The following MED13L variants were observed in gnomAD, a reference collection of about 807,000 sequenced individuals.
MED13L encodes mediator of RNA polymerase II transcription subunit 13-like.
In MED13L, 7 loss-of-function variants were observed where a neutral mutation model predicts 220.9. The ratio of observed to expected loss-of-function variants is 0.03; its 90% CI spans 0.02 to 0.06. MED13L has a LOEUF of 0.06. Ranked by LOEUF, MED13L falls within the 10% of genes least tolerant of loss-of-function variation. The probability of loss-of-function intolerance (pLI) is 1.00; values close to 1 mark genes in which losing one functional copy is unlikely to be tolerated. For synonymous variants in MED13L, 1,011 were observed against 1,015.2 expected, an observed-to-expected ratio of 1.00 and a Z score of 0.08; for missense variants, 1,965 against 2,760.5, an observed-to-expected ratio of 0.71 and a Z score of 6.46.
chr12:116,162,319 C>T (rs1878945905), intron 2 of MED13L, among the ~76,000 whole-genome samples: 2 of 152,186 alleles, frequency 1.3e-5, no homozygotes, highest in South Asian at 4.1e-4. Flanking sequence ...CCAGTAGAAG[C>T]TGTGATTCTA....
chr12:116,241,178 A>G (rs1870604304), intron 1 of MED13L, among the ~76,000 whole-genome samples: 1 of 151,618 alleles, frequency 6.6e-6, no homozygotes, highest in South Asian at 2.1e-4. Context: ...GTGGTGGTGC[A>G]CCTGTAATCC....
intron 1 of MED13L, among the ~76,000 whole-genome samples, chr12:116,240,818 C>T (rs1255394526): frequency 3.1e-4 from 47 of 151,492 alleles, no homozygotes; most frequent in Admixed American, 3.1e-3. Context: ...CGAGCCACCA[C>T]GCCCGGACAT....
intron 23 of MED13L, among the ~76,000 whole-genome samples, chr12:115,976,622 C>T (rs551550687): frequency 6.6e-5 from 10 of 152,156 alleles, no homozygotes; most frequent in Non-Finnish European, 1.2e-4. Context: ...CTTTTGAGTA[C>T]ATATATAGTT....
intron 4 of MED13L, among the ~76,000 whole-genome samples, chr12:116,061,436 A>G (rs1476448643): frequency 6.6e-6 from 1 of 152,212 alleles, no homozygotes; most frequent in African/African-American, 2.4e-5. Flanking sequence ...CTTACCTATT[A>G]TAAGCTGCCT....
chr12:116,089,202 C>A (rs577023899), intron 4 of MED13L, among the ~76,000 whole-genome samples: 1 of 152,274 alleles, frequency 6.6e-6, no homozygotes, highest in East Asian at 1.9e-4. Context: ...TATGTCCACA[C>A]CATAGTAGTG....
intron 2 of MED13L, among the ~76,000 whole-genome samples, chr12:116,121,691 T>C (rs1001801618): frequency 1.3e-5 from 2 of 152,322 alleles, no homozygotes; most frequent in South Asian, 2.1e-4. Context: ...ATATTTCCTT[T>C]TAATGTATCA....
chr12:116,096,899 C>T (rs1007292453), intron 3 of MED13L, 147 bp from the exon 4 acceptor site: 24 of 665,076 alleles, frequency 3.6e-5, no homozygotes, highest in East Asian at 5.6e-5. Flanking sequence ...AAAATTTTTA[C>T]GTTATACTTT....
At chr12:116,204,876 A>C (rs1358432156) in intron 2 of MED13L, among the ~76,000 whole-genome samples, 3 of 152,230 alleles carry the variant, frequency 2.0e-5, no homozygotes, top group South Asian at 4.1e-4. Flanking sequence ...GTTCCCTTTC[A>C]GAATTTATAA....
At chr12:116,134,444 T>G (rs1876347433) in intron 2 of MED13L, among the ~76,000 whole-genome samples, 1 of 152,212 alleles carries the variant, frequency 6.6e-6, no homozygotes, top group Admixed American at 6.5e-5. Flanking sequence ...AACAGGGTAC[T>G]AGGACGGTCT....
intron 2 of MED13L, among the ~76,000 whole-genome samples, chr12:116,226,587 G>A (rs536619734): frequency 3.9e-5 from 6 of 152,210 alleles, no homozygotes; most frequent in East Asian, 1.9e-4. Flanking sequence ...AACAGATTTC[G>A]GCCAGGAGTG....
rs774299382 is a variant in MED13L at position 116,003,114 on chromosome 12, C to T, written c.2470-12G>A. 83 of 1,609,794 alleles carry T rather than the reference C, an allele frequency of 5.2e-5. No individual in the cohort carries two copies. The highest frequency in any genetic ancestry group is 1.6e-4 in the Middle Eastern group (1 of 6,080). On this transcript the variant is annotated splice_polypyrimidine_tract_variant and intron_variant, in intron 13 of 30. Transcript: ENST00000281928. ...GCAGGTGATACAGCCTAAGAACAGA[C>T]GGTGTTATTAAAACAGAGTGACGTG...
chr12:115,988,376 C>T (rs919899633), intron 17 of MED13L, among the ~76,000 whole-genome samples: 1 of 152,180 alleles, frequency 6.6e-6, no homozygotes, highest in Non-Finnish European at 1.5e-5. Flanking sequence ...TCCTGCATAA[C>T]CACCACTTGC....
At chr12:116,204,360 T>A (rs1472145541) in intron 2 of MED13L, among the ~76,000 whole-genome samples, 1 of 152,220 alleles carries the variant, frequency 6.6e-6, no homozygotes, top group African/African-American at 2.4e-5. Context: ...ATTCCATGAC[T>A]GCTATCAGCT....
intron 1 of MED13L, among the ~76,000 whole-genome samples, chr12:116,262,272 A>G (rs1165698360): frequency 2.0e-5 from 3 of 152,356 alleles, no homozygotes; most frequent in African/African-American, 7.2e-5. Context: ...TCAAACTTTT[A>G]CAAATGGCTA....
intron 2 of MED13L, among the ~76,000 whole-genome samples, chr12:116,141,610 C>T (rs1877083169): frequency 6.6e-6 from 1 of 152,132 alleles, no homozygotes; most frequent in Admixed American, 6.6e-5. Context: ...GCTCTACCTT[C>T]AGAATGATAT....
chr12:116,251,516 T>G (rs929896135), intron 1 of MED13L, among the ~76,000 whole-genome samples: 9 of 147,542 alleles, frequency 6.1e-5, no homozygotes, highest in Non-Finnish European at 9.0e-5. Context: ...TCCCAGCACT[T>G]TGGGAGGCCG....
chr12:116,068,372 T>C (rs1870114017), intron 4 of MED13L, among the ~76,000 whole-genome samples: 1 of 152,248 alleles, frequency 6.6e-6, no homozygotes, highest in African/African-American at 2.4e-5. Context: ...ACGAATTTAT[T>C]GATAATATGA....
chr12:116,177,306 CA>C (rs1369977605), intron 2 of MED13L, among the ~76,000 whole-genome samples: 5 of 152,290 alleles, frequency 3.3e-5, no homozygotes, highest in African/African-American at 1.2e-4. Flanking sequence ...AAACTTTATA[CA>C]AAAGAAATCA....
chr12:116,276,950 G>T, intron 1 of MED13L, 110 bp downstream of exon 1: 2 of 1,221,992 alleles, frequency 1.6e-6, no homozygotes, highest in Non-Finnish European at 2.3e-6. Context: ...GGGGAGACGC[G>T]AGGGAGGGGC....
Sources: allele counts gnomAD v4.1 joint callset (sites outside exome capture counted in the v4.1 genomes callset), GRCh38; gene constraint gnomAD v4.1.1; transcripts MANE v1.5; gene names NCBI Gene and HGNC (gene_info 2026-07-23, HGNC 2026-07-21).